ABCA13: variants seen among roughly 807,000 people sequenced by gnomAD.
ABCA13 encodes the protein ATP binding cassette subfamily A member 13.
ABCA13 carries 476 observed loss-of-function variants against 478.7 expected under a neutral mutation model. The ratio of observed to expected loss-of-function variants is 0.99; its 90% CI spans 0.92 to 1.07. ABCA13 has a LOEUF of 1.07. ABCA13 is among the 50% of genes least tolerant of loss of function. The pLI, the probability that ABCA13 is intolerant of heterozygous loss-of-function variation, is 0.00. For synonymous variants in ABCA13, 2,252 were observed against 2,158.9 expected, an observed-to-expected ratio of 1.04 and a Z score of -1.20; for missense variants, 6,060 against 5,910.6, an observed-to-expected ratio of 1.03 and a Z score of -0.83.
chr7:48,185,826 A>G lies in ABCA13; in HGVS notation c.70-7133A>G, dbSNP rs558440886. ...CAGAATTTTCTTCCTGTAATAAAAT[A>G]TTGTAATATAATGTAATTGTTGTGC... On this transcript the variant is annotated intron_variant, in intron 1 of 61. Coordinates refer to ENST00000435803, the MANE Select transcript of ABCA13 (RefSeq NM_152701.5). 2.0e-5 allele frequency among the ~76,000 whole-genome samples: 3 copies of G among 152,196 alleles called. No individual in the cohort carries two copies. In the South Asian group the frequency reaches 6.2e-4, roughly 32 times the overall value.
At chr7:48,637,698 T>C in intron 59 of ABCA13, among the ~76,000 whole-genome samples, 1 of 152,180 alleles carries the variant, frequency 6.6e-6, no homozygotes, top group Non-Finnish European at 1.5e-5. Context: ...GAGATGAGGC[T>C]ATGTATTTTT....
chr7:48,356,551 C>T (rs1397407075), intron 31 of ABCA13, among the ~76,000 whole-genome samples: 1 of 151,764 alleles, frequency 6.6e-6, no homozygotes, highest in East Asian at 1.9e-4. Flanking sequence ...TGGCAATTCA[C>T]CTGTGGTAAC....
At chr7:48,334,950 A>G (rs1302586725) in intron 27 of ABCA13, among the ~76,000 whole-genome samples, 1 of 152,172 alleles carries the variant, frequency 6.6e-6, no homozygotes, top group Non-Finnish European at 1.5e-5. Flanking sequence ...CAGTGACTGC[A>G]TTTTTCTGAT....
At chr7:48,204,497 C>T (rs912796444) in intron 3 of ABCA13, among the ~76,000 whole-genome samples, 1 of 152,170 alleles carries the variant, frequency 6.6e-6, no homozygotes, top group African/African-American at 2.4e-5. Context: ...AGGCGTGAGC[C>T]ACCGCGCCCG....
At chr7:48,391,812 G>A (rs966402526) in intron 37 of ABCA13, 109 bp from the exon 38 acceptor site, 22 of 1,021,336 alleles carry the variant, frequency 2.2e-5, no homozygotes, top group Non-Finnish European at 3.1e-5. Flanking sequence ...GTCAGCAGAA[G>A]GTGAGTGCTC....
At chr7:48,569,225 C>A (rs996472109) in intron 55 of ABCA13, among the ~76,000 whole-genome samples, 1 of 151,654 alleles carries the variant, frequency 6.6e-6, no homozygotes, top group Non-Finnish European at 1.5e-5. Flanking sequence ...TGACATCTAC[C>A]TTTTTAAAAA....
chr7:48,643,334 A>G lies in ABCA13; in HGVS notation c.14884A>G (p.Asn4962Asp), dbSNP rs772025951. ...CAAAGTTTGGCTCTGTAAGGAAGCAAATCAACATTGCACTGTTTCTGACCA... is the reference window on the plus strand; with the variant it reads ...CAAAGTTTGGCTCTGTAAGGAAGCAGATCAACATTGCACTGTTTCTGACCA... The part of the protein sequence containing the change: ...TVKVWLCKEA[N>D]QHCTVSDHLK... The change falls in exon 60 of 62, where the codon AAT (asparagine) becomes GAT (aspartate). Residue 4962 changes from asparagine to aspartate, a missense_variant. By Grantham distance (23) the Asn-to-Asp change is conservative. Around this residue, in one of 3 missense-constraint regions of ABCA13, gnomAD observed 1,627 missense variants for 1,571.0 expected, o/e 1.04. Coordinates refer to ENST00000435803, the MANE Select transcript of ABCA13 (RefSeq NM_152701.5). 1 of 1,613,542 alleles carries G rather than the reference A, an allele frequency of 6.2e-7. No individual in the cohort carries two copies. Among genetic ancestry groups the G allele is most frequent in the South Asian group, 1.1e-5 (1 of 90,934 alleles).
Position 48,615,368 on chromosome 7 carries a change from T to G in ABCA13, c.14828T>G (p.Ile4943Ser). Residue 4943 changes from isoleucine (I) to serine (S), a missense_variant, in exon 59 of 62, where the codon ATC becomes AGC. This residue lies in a region of ABCA13 where 1,627 missense variants were observed against 1,571.0 expected (regional missense o/e 1.04). Coordinates refer to ENST00000435803, the MANE Select transcript of ABCA13 (RefSeq NM_152701.5). The part of the protein sequence containing the change: ...SFKCLGSPQH[I>S]KNRFGDGYTV... ...AAATGTCTTGGTTCTCCTCAGCACA[T>G]CAAAAATAGGTGCGTTGAAGTTCTC... The G allele has an allele frequency of 6.4e-7, 1 of 1,566,622 alleles. No individual in the cohort carries two copies. The highest frequency in any genetic ancestry group is 1.2e-5 in the South Asian group (1 of 84,770).
intron 11 of ABCA13, 73 bp downstream of exon 11, chr7:48,244,776 GA>G: frequency 6.7e-7 from 1 of 1,498,634 alleles, no homozygotes; most frequent in Admixed American, 2.1e-5. Context: ...AAATGGACTT[GA>G]AACTGCCTGA....
chr7:48,493,447 T>A (rs1417703926), intron 48 of ABCA13, among the ~76,000 whole-genome samples: 1 of 152,166 alleles, frequency 6.6e-6, no homozygotes, highest in Non-Finnish European at 1.5e-5. Context: ...ATTAACAGAA[T>A]AAGTGAAAAC....
intron 57 of ABCA13, among the ~76,000 whole-genome samples, chr7:48,589,824 C>T (rs1451894245): frequency 2.6e-5 from 4 of 152,204 alleles, no homozygotes; most frequent in African/African-American, 7.2e-5. Flanking sequence ...GGTGTCATCA[C>T]AAGGCAAAAG....
At position 48,618,531 on chromosome 7, in the gene ABCA13, T is replaced by C. The variant is rs149096632; in HGVS notation, c.14837+3154T>C. On this transcript the variant is annotated intron_variant, in intron 59 of 61. Coordinates refer to ENST00000435803, the MANE Select transcript of ABCA13 (RefSeq NM_152701.5). ...TACCATGTATTACAGTTTCCAATAA[T>C]AGGGGCATGGCACACAGGGTCCCAT... Among the ~76,000 whole-genome samples, 476 of 152,122 alleles carry C rather than the reference T, an allele frequency of 3.1e-3. 1 individual carries two copies. Among genetic ancestry groups the C allele is most frequent in the African/African-American group, 0.011 (461 of 41,470 alleles).
chr7:48,578,308 A>G (rs769051305), intron 55 of ABCA13, among the ~76,000 whole-genome samples: 1 of 152,180 alleles, frequency 6.6e-6, no homozygotes, highest in Non-Finnish European at 1.5e-5. Flanking sequence ...ACATGATTAT[A>G]TATGTAGAAA....
chr7:48,339,263 C>T (rs1806749180), intron 29 of ABCA13, among the ~76,000 whole-genome samples: 1 of 152,192 alleles, frequency 6.6e-6, no homozygotes, highest in Non-Finnish European at 1.5e-5. Context: ...AAAAAAATTT[C>T]TGGTGAATGC....
rs1261368497 is a variant in ABCA13 at position 48,400,988 on chromosome 7, T to TA, written c.11874-2693dup. 2.0e-5 allele frequency among the ~76,000 whole-genome samples: 3 copies of TA among 152,348 alleles called. No homozygotes were observed. In the East Asian group the frequency reaches 5.8e-4, roughly 29 times the overall value. On this transcript the variant is annotated intron_variant, in intron 38 of 61. Transcript: ENST00000435803. ...CAGTCCATGTGGGGGGTGAGACACT[T>TA]AACAGGTACATATGATACGTGTCAC...
chr7:48,287,900 A>C (rs1584646048), intron 19 of ABCA13, 60 bp from the exon 20 acceptor site: 1 of 1,245,214 alleles, frequency 8.0e-7, no homozygotes, highest in East Asian at 2.3e-5. Context: ...ATTTTGTGAG[A>C]GTGGCTAGTT....
chr7:48,292,172 C>T (rs1443097476), intron 20 of ABCA13, among the ~76,000 whole-genome samples: 1 of 152,146 alleles, frequency 6.6e-6, no homozygotes, highest in Non-Finnish European at 1.5e-5. Flanking sequence ...TCAAGCAGGC[C>T]CCTCAACTTT....
At chr7:48,368,302 A>T (rs4437599) in intron 32 of ABCA13, among the ~76,000 whole-genome samples, 1 of 151,938 alleles carries the variant, frequency 6.6e-6, no homozygotes, top group Non-Finnish European at 1.5e-5. Flanking sequence ...TGAAACTATC[A>T]TAACTTAAAT....
intron 2 of ABCA13, among the ~76,000 whole-genome samples, chr7:48,195,023 G>A (rs538439448): frequency 5.9e-5 from 9 of 152,306 alleles, no homozygotes; most frequent in African/African-American, 2.2e-4. Context: ...GGAGCCATGT[G>A]AGCACACAAG....
Sources: allele counts gnomAD v4.1 joint callset (sites outside exome capture counted in the v4.1 genomes callset), GRCh38; gene constraint gnomAD v4.1.1; regional missense constraint gnomAD v4.1.1; transcripts MANE v1.5; gene names NCBI Gene and HGNC (gene_info 2026-07-23, HGNC 2026-07-21).